KIF26B: variants seen among roughly 807,000 people sequenced by gnomAD.
The protein encoded by KIF26B is kinesin-like protein KIF26B.
In KIF26B, 63 loss-of-function variants were observed where a neutral mutation model predicts 151.2. The observed-to-expected ratio is 0.42, with a 90% CI of 0.34 to 0.51. The LOEUF is 0.51. KIF26B is among the 20% of genes least tolerant of loss of function. The pLI is 0.07. For synonymous variants in KIF26B, 1,357 were observed against 1,262.1 expected (o/e 1.08, Z -1.59); for missense variants, 2,813 against 2,913.6 (o/e 0.97, Z 0.79).
intron 4 of KIF26B, among the ~76,000 whole-genome samples, chr1:245,496,133 G>T (rs537106625): frequency 6.6e-6 from 1 of 152,166 alleles, no homozygotes; most frequent in Non-Finnish European, 1.5e-5. Context: ...CTGACAGAAA[G>T]GGTCAACATG....
At chr1:245,257,411 C>T (rs1049159952) in intron 2 of KIF26B, among the ~76,000 whole-genome samples, 1 of 152,222 alleles carries the variant, frequency 6.6e-6, no homozygotes, top group Non-Finnish European at 1.5e-5. Context: ...CAGAGTTTGA[C>T]TCCTTTTGTT....
At chr1:245,203,089 A>G (rs980874573) in intron 2 of KIF26B, among the ~76,000 whole-genome samples, 1 of 151,442 alleles carries the variant, frequency 6.6e-6, no homozygotes, top group Non-Finnish European at 1.5e-5. Context: ...TCTACTAAAA[A>G]TACAAAAATT....
At chr1:245,672,126 TAAC>T (rs1016642455) in intron 10 of KIF26B, among the ~76,000 whole-genome samples, 2 of 152,000 alleles carry the variant, frequency 1.3e-5, no homozygotes, top group African/African-American at 4.8e-5. Flanking sequence ...CTGAGGGGAA[TAAC>T]AGTCTTGGTG....
chr1:245,413,696 C>T (rs555744032), intron 3 of KIF26B, among the ~76,000 whole-genome samples: 1 of 152,188 alleles, frequency 6.6e-6, no homozygotes, highest in South Asian at 2.1e-4. Flanking sequence ...AAGTAAGGCT[C>T]TTGATTCAGA....
chr1:245,575,239 C>T (rs908118835), intron 5 of KIF26B, among the ~76,000 whole-genome samples: 1 of 151,762 alleles, frequency 6.6e-6, no homozygotes, highest in South Asian at 2.1e-4. Flanking sequence ...CTTTGGGAGG[C>T]AGAGGCGAGT....
intron 2 of KIF26B, among the ~76,000 whole-genome samples, chr1:245,355,522 G>A (rs1198275996): frequency 6.6e-6 from 1 of 151,360 alleles, no homozygotes; most frequent in African/African-American, 2.4e-5. Context: ...TTTGAGCCCA[G>A]GAGAGTGAGG....
chr1:245,211,061 GTCT>G (rs1363475419), intron 2 of KIF26B, among the ~76,000 whole-genome samples: 1 of 152,184 alleles, frequency 6.6e-6, no homozygotes, highest in African/African-American at 2.4e-5. Context: ...TAGGCCTTGT[GTCT>G]TCTTGTGATG....
Position 245,488,832 on chromosome 1 carries a change from T to C in KIF26B, c.1167-51935T>C, listed in dbSNP as rs1481836602. The stretch of plus-strand genomic sequence containing the variant: ...GAGGTTAATTTTGTGAGTGAGTCCT[T>C]AATAACAGAGGGACCAAGACTCGAT... On this transcript the variant is annotated intron_variant, in intron 4 of 14. Transcript: ENST00000407071. The surrounding 1 kb of genome is among the most constrained non-coding windows in gnomAD (Gnocchi z 4.6). 6.6e-6 allele frequency among the ~76,000 whole-genome samples: 1 copy of C among 152,200 alleles called. No individual in the cohort carries two copies. The highest frequency in any genetic ancestry group is 2.4e-5 in the African/African-American group (1 of 41,460).
chr1:245,306,603 C>T (rs1671543378), intron 2 of KIF26B, among the ~76,000 whole-genome samples: 1 of 152,162 alleles, frequency 6.6e-6, no homozygotes, highest in Non-Finnish European at 1.5e-5. Context: ...ACAGTCTAAA[C>T]TCTGCAGCTT....
At chr1:245,173,496 C>T (rs975682816) in intron 2 of KIF26B, among the ~76,000 whole-genome samples, 31 of 152,118 alleles carry the variant, frequency 2.0e-4, no homozygotes, top group Non-Finnish European at 2.8e-4. Context: ...ACAATCTGGC[C>T]ACCAGAGACT....
Position 245,367,049 on chromosome 1 carries a change from C to T in KIF26B, c.681C>T (p.Ile227=), listed in dbSNP as rs1162085410. 1 of 1,609,600 alleles carries T rather than the reference C, an allele frequency of 6.2e-7. No individual in the cohort carries two copies. Among genetic ancestry groups the T allele is most frequent in the East Asian group, 2.2e-5 (1 of 44,664 alleles). The change falls in exon 3 of 15, where the codon ATC becomes ATT. Residue 227 remains isoleucine (I), a synonymous_variant. Transcript: ENST00000407071. The surrounding 1 kb of genome is among the most constrained non-coding windows in gnomAD (Gnocchi z 4.2). ...GCTCCCCGCCACCGCTCTCCAACATCCCCACCCTGGTGGGGTCCCGGCACG... is the reference window on the plus strand; with the variant it reads ...GCTCCCCGCCACCGCTCTCCAACATTCCCACCCTGGTGGGGTCCCGGCACG... The part of the protein sequence containing the change: ...SPCSPPPLSN[I]PTLVGSRHVG...
intron 5 of KIF26B, among the ~76,000 whole-genome samples, chr1:245,599,480 G>T (rs1426586812): frequency 6.6e-6 from 1 of 152,206 alleles, no homozygotes; most frequent in East Asian, 1.9e-4. Flanking sequence ...CTGGACCAAT[G>T]ACTCACTCAT....
intron 4 of KIF26B, among the ~76,000 whole-genome samples, chr1:245,509,552 G>A (rs1343031079): frequency 1.3e-5 from 2 of 152,106 alleles, no homozygotes; most frequent in East Asian, 1.9e-4. Flanking sequence ...CTCTTCTCAC[G>A]TCATTCAATT....
chr1:245,699,141 C>T (rs561929670), intron 14 of KIF26B, 104 bp downstream of exon 14: 2 of 1,242,720 alleles, frequency 1.6e-6, no homozygotes, highest in Admixed American at 4.0e-5. Flanking sequence ...TGTCCTCGTC[C>T]TCAGTCACAG....
intron 14 of KIF26B, among the ~76,000 whole-genome samples, chr1:245,701,566 G>A (rs752277396): frequency 1.3e-4 from 20 of 152,182 alleles, no homozygotes; most frequent in East Asian, 7.8e-4. Flanking sequence ...TGCAGACAGC[G>A]GCCACTCTAA....
intron 9 of KIF26B, among the ~76,000 whole-genome samples, chr1:245,620,238 AC>A (rs1376859644): frequency 6.6e-6 from 1 of 152,136 alleles, no homozygotes; most frequent in Non-Finnish European, 1.5e-5. Flanking sequence ...ACTTCCACGA[AC>A]CACATTCGTA....
Position 245,166,273 on chromosome 1 carries a change from C to G in KIF26B, c.465+9590C>G, listed in dbSNP as rs1200961412. Among the ~76,000 whole-genome samples, 1 of 152,114 alleles carries G rather than the reference C, an allele frequency of 6.6e-6. No homozygotes were observed. The highest frequency in any genetic ancestry group is 1.5e-5 in the Non-Finnish European group (1 of 68,024). ...CCTCCTTCCTTCCCTCCTTCCTTCC[C>G]TCTTTCCTTCCTTTTTTCCTTCCTT... On this transcript the variant is annotated intron_variant, in intron 2 of 14. Coordinates refer to ENST00000407071, the MANE Select transcript of KIF26B (RefSeq NM_018012.4). The surrounding 1 kb of genome is among the most constrained non-coding windows in gnomAD (Gnocchi z 4.5).
intron 2 of KIF26B, among the ~76,000 whole-genome samples, chr1:245,364,289 A>C (rs1672888997): frequency 6.6e-6 from 1 of 152,230 alleles, no homozygotes; most frequent in South Asian, 2.1e-4. Flanking sequence ...AGGGGCCCTC[A>C]GAGCCAGGGA....
chr1:245,307,818 G>A (rs2102980794), intron 2 of KIF26B, among the ~76,000 whole-genome samples: 1 of 150,784 alleles, frequency 6.6e-6, no homozygotes, highest in Admixed American at 6.6e-5. Context: ...TGGGCTCACT[G>A]CAAGCTCCGC....
Sources: allele counts gnomAD v4.1 joint callset (sites outside exome capture counted in the v4.1 genomes callset), GRCh38; gene constraint gnomAD v4.1.1; non-coding constraint Gnocchi (gnomAD v3.1); transcripts MANE v1.5; gene names NCBI Gene and HGNC (gene_info 2026-07-23, HGNC 2026-07-21).